Variants in GLRX2 observed in about 807,000 individuals in gnomAD.
GLRX2 encodes glutaredoxin 2.
A neutral mutation model predicts 16.4 loss-of-function variants in GLRX2; 12 were observed. The ratio of observed to expected loss-of-function variants is 0.73; its 90% CI spans 0.47 to 1.19. The LOEUF (loss-of-function observed/expected upper bound fraction) is 1.19, where lower values mean the gene tolerates loss of function less well. Ranked by LOEUF, GLRX2 falls within the 50% of genes most tolerant of loss-of-function variation. The pLI, the probability that GLRX2 is intolerant of heterozygous loss-of-function variation, is 0.00. For synonymous variants in GLRX2, 95 were observed against 76.2 expected, an observed-to-expected ratio of 1.25 and a Z score of -1.28; for missense variants, 201 against 201.8, an observed-to-expected ratio of 1.00 and a Z score of 0.02.
chr1:193,103,153 G>A (rs1156579832), intron 1 of GLRX2, among the ~76,000 whole-genome samples: 1 of 151,988 alleles, frequency 6.6e-6, no homozygotes, highest in Non-Finnish European at 1.5e-5. Context: ...TAAGTGAAAC[G>A]GTGAAAGTTC....
upstream of GLRX2, chr1:193,105,599 G>T: frequency 6.2e-7 from 1 of 1,607,128 alleles, no homozygotes; most frequent in Non-Finnish European, 8.5e-7. Context: ...ACATCCTTTA[G>T]AGGGGAGAAG....
intron 2 of GLRX2, among the ~76,000 whole-genome samples, chr1:193,100,183 A>C (rs1408797047): frequency 6.6e-6 from 1 of 152,142 alleles, no homozygotes; most frequent in Non-Finnish European, 1.5e-5. Flanking sequence ...ACTTTAAAAG[A>C]GGCAATTCAG....
chr1:193,098,789 G>A (rs1053168082), intron 2 of GLRX2, among the ~76,000 whole-genome samples: 3 of 152,086 alleles, frequency 2.0e-5, no homozygotes, highest in Non-Finnish European at 2.9e-5. Flanking sequence ...GACCTCAGGT[G>A]ATCCACCCGC....
At chr1:193,102,074 CA>C (rs1439563786) in intron 1 of GLRX2, among the ~76,000 whole-genome samples, 5 of 152,062 alleles carry the variant, frequency 3.3e-5, no homozygotes, top group African/African-American at 9.7e-5. Context: ...ACAAATCTTA[CA>C]AGAGGATTAT....
intron 3 of GLRX2, 133 bp downstream of exon 3, chr1:193,097,451 T>C (rs879389649): frequency 8.6e-6 from 5 of 578,252 alleles, no homozygotes; most frequent in Non-Finnish European, 1.4e-5. Flanking sequence ...AAGAATCTGG[T>C]TCCTAGATCT....
intron 1 of GLRX2, among the ~76,000 whole-genome samples, chr1:193,102,459 C>T (rs1425884042): frequency 6.6e-6 from 1 of 152,118 alleles, no homozygotes; most frequent in Non-Finnish European, 1.5e-5. Flanking sequence ...TCAAACAATT[C>T]TCCTGCCTCA....
upstream of GLRX2, chr1:193,105,685 G>C (rs766653023): frequency 6.4e-7 from 1 of 1,554,060 alleles, no homozygotes; most frequent in Admixed American, 1.9e-5. Context: ...CGCTCATAAA[G>C]GCTCCCAGGC....
intron 2 of GLRX2, among the ~76,000 whole-genome samples, 159 bp downstream of exon 2, chr1:193,100,982 A>T (rs1259434536): frequency 6.6e-6 from 1 of 152,254 alleles, no homozygotes; most frequent in Non-Finnish European, 1.5e-5. Flanking sequence ...TCTTAGTCAC[A>T]AGGATGATTT....
Position 193,097,644 on chromosome 1 carries a change from G to A in GLRX2, c.300C>T (p.Asp100=). Residue 100 remains aspartate, a synonymous_variant, in exon 3 of 4, where the codon GAC becomes GAT. Coordinates refer to ENST00000367439, the MANE Select transcript of GLRX2 (RefSeq NM_197962.3). ...MNVNYKVVEL[D]LLEYGNQFQD... ...GGAACTGGTTTCCATATTCAAGCAG[G>A]TCCAGTTCCACCACTTTATAGTTAA... 6.2e-7 allele frequency: 1 copy of A among 1,613,184 alleles called. No individual in the cohort carries two copies. The highest frequency in any genetic ancestry group is 8.5e-7 in the Non-Finnish European group (1 of 1,179,532).
chr1:193,097,979 A>G (rs1674994189), intron 2 of GLRX2, among the ~76,000 whole-genome samples: 1 of 152,200 alleles, frequency 6.6e-6, no homozygotes, highest in African/African-American at 2.4e-5. Flanking sequence ...ATAGAGCAAT[A>G]ACAATAAATA....
chr1:193,105,763 T>A, upstream of GLRX2: 1 of 1,379,484 alleles, frequency 7.2e-7, no homozygotes, highest in Non-Finnish European at 9.4e-7. Context: ...AACATGACCA[T>A]CCAAAACAGA....
At chr1:193,099,119 T>G (rs1397958364) in intron 2 of GLRX2, among the ~76,000 whole-genome samples, 18 of 152,206 alleles carry the variant, frequency 1.2e-4, no homozygotes, top group Admixed American at 1.2e-3. Context: ...AGTTGAAAAC[T>G]GTATGTTTAA....
chr1:193,099,761 G>T (rs956079090), intron 2 of GLRX2, among the ~76,000 whole-genome samples: 1 of 152,156 alleles, frequency 6.6e-6, no homozygotes, highest in Non-Finnish European at 1.5e-5. Context: ...CTGAGTTTTA[G>T]CCCAGCTGTC....
intron 3 of GLRX2, among the ~76,000 whole-genome samples, chr1:193,096,994 C>A (rs186724362): frequency 6.6e-6 from 1 of 152,302 alleles, no homozygotes; most frequent in Admixed American, 6.5e-5. Context: ...TGGTACATGA[C>A]AGACTGGGAT....
intron 1 of GLRX2, 105 bp from the exon 2 acceptor site, chr1:193,101,309 T>C (rs1359934362): frequency 2.6e-6 from 2 of 758,326 alleles, no homozygotes; most frequent in African/African-American, 1.8e-5. Flanking sequence ...ATAGCCAAAC[T>C]TACAAAATAG....
At chr1:193,105,666 GT>G, upstream of GLRX2, 1 of 1,591,044 alleles carries the variant, frequency 6.3e-7, no homozygotes. Context: ...ATTCTTTTAG[GT>G]TTAGGGACGC....
Position 193,105,352 on chromosome 1 carries a change from T to G in GLRX2, c.31A>C (p.Thr11Pro). ...CCGCTCCTGCTCCAAACCAGCCGCG[T>G]CCCCGCCAGCGCCGCGCGGCGCCAA... is the stretch of plus-strand genomic sequence containing the variant. MIWRRAALAG[T>P]RLVWSRSGSA... Residue 11 changes from threonine (T) to proline (P), a missense_variant, in exon 1 of 4, where the codon ACG (threonine) becomes CCG (proline). Transcript: ENST00000367439. 1 of 1,546,230 alleles carries G rather than the reference T, an allele frequency of 6.5e-7. No homozygotes were observed. The highest frequency in any genetic ancestry group is 8.6e-7 in the Non-Finnish European group (1 of 1,156,312).
At chr1:193,099,503 G>A (rs1228011130) in intron 2 of GLRX2, among the ~76,000 whole-genome samples, 8 of 151,838 alleles carry the variant, frequency 5.3e-5, no homozygotes, top group East Asian at 1.9e-4. Flanking sequence ...ACCACACCTC[G>A]ATATTTTTTG....
chr1:193,105,751 A>G, upstream of GLRX2: 2 of 1,401,398 alleles, frequency 1.4e-6, no homozygotes, highest in Non-Finnish European at 9.3e-7. Flanking sequence ...CGGAGGAGAA[A>G]AAACATGACC....
Sources: gnomAD v4.1 joint callset for allele counts (sites outside exome capture counted in the v4.1 genomes callset) on GRCh38, gnomAD v4.1.1 for gene constraint, MANE v1.5 for transcripts, NCBI Gene and HGNC (gene_info 2026-07-23, HGNC 2026-07-21) for gene names.